The following MYO10 variants were observed in gnomAD, a reference collection of about 807,000 sequenced individuals.
MYO10 encodes unconventional myosin-X.
Under a neutral mutation model 257.3 loss-of-function variants are expected in MYO10, and 133 were observed. The observed-to-expected ratio is 0.52, with a 90% confidence interval of 0.45 to 0.60. The LOEUF (loss-of-function observed/expected upper bound fraction) is 0.60. Ranked by LOEUF, MYO10 falls within the 20% of genes least tolerant of loss-of-function variation. The probability of loss-of-function intolerance (pLI) is 0.00; values close to 1 mark genes in which losing one functional copy is unlikely to be tolerated. For missense variants in MYO10, 2,399 were observed against 2,635.7 expected, an observed-to-expected ratio of 0.91 and a Z score of 1.97; for synonymous variants, 1,104 against 1,028.6, an observed-to-expected ratio of 1.07 and a Z score of -1.40.
In MYO10 at chr5:16,701,719, A is replaced by G. The variant is rs1738088723; in HGVS notation, c.2676T>C (p.Arg892=). 1.9e-6 allele frequency: 3 copies of G among 1,613,798 alleles called. No individual in the cohort carries two copies. Among genetic ancestry groups the G allele is most frequent in the Admixed American group, 3.3e-5 (2 of 59,998 alleles). The change falls in exon 25 of 41, where the codon CGT becomes CGC. Residue 892 remains arginine (R), a synonymous_variant. Transcript: ENST00000513610. This position sits in a 1 kb window ranked among gnomAD's most constrained non-coding sequence, Gnocchi z 8.1. ...KENKQVEEIL[R]LEKEIEDLQR... is the part of the protein sequence containing the mutation. ...GCAGGTCCTCGATTTCTTTCTCCAG[A>G]CGGAGGATCTCTTCCACCTGCTTAT...
In MYO10 at chr5:16,703,856, A is replaced by T. The variant is rs1322221860; in HGVS notation, c.2277-698T>A. Among the ~76,000 whole-genome samples, 172 of 141,386 alleles carry T rather than the reference A, an allele frequency of 1.2e-3. 1 individual carries two copies. The highest frequency in any genetic ancestry group is 2.7e-3 in the Admixed American group (36 of 13,330). The allele number at this position is 141,386 out of a possible 152,430, so 92.8% of individuals were successfully genotyped here. ...GAGATCGCACCATTGCACTCCAGCC[A>T]GACGAGCGAGCGAGACTCTGTCTCA... On this transcript the variant is annotated intron_variant, in intron 22 of 40. Coordinates refer to ENST00000513610, the MANE Select transcript of MYO10 (RefSeq NM_012334.3).
intron 2 of MYO10, among the ~76,000 whole-genome samples, chr5:16,855,334 A>G (rs1743930639): frequency 6.6e-6 from 1 of 152,156 alleles, no homozygotes; most frequent in Admixed American, 6.6e-5. Context: ...AAATTCAGGG[A>G]GTGGATGCTG....
rs77753133 is a variant in MYO10 at position 16,886,137 on chromosome 5, G to C, written c.22-8430C>G. 2.8e-3 allele frequency among the ~76,000 whole-genome samples: 421 copies of C among 152,346 alleles called. 1 individual carries two copies. The highest frequency in any genetic ancestry group is 9.7e-3 in the African/African-American group (405 of 41,584). On this transcript the variant is annotated intron_variant, in intron 1 of 40. Coordinates refer to ENST00000513610, the MANE Select transcript of MYO10 (RefSeq NM_012334.3). ...GTTCAGCCACGGCCATGTAGGCCCTGAAAGGAACACAGGCGGTTTTTAGGC... is the reference window on the plus strand; with the variant it reads ...GTTCAGCCACGGCCATGTAGGCCCTCAAAGGAACACAGGCGGTTTTTAGGC...
intron 9 of MYO10, among the ~76,000 whole-genome samples, chr5:16,778,688 G>GTTTTT (rs55880979): frequency 1.9e-5 from 2 of 107,534 alleles, no homozygotes; most frequent in African/African-American, 3.7e-5. Context: ...CTTTGCTGAG[G>GTTTTT]TTTTTTTTTT....
chr5:16,896,199 C>T (rs1580126142), intron 1 of MYO10, among the ~76,000 whole-genome samples: 1 of 152,308 alleles, frequency 6.6e-6, no homozygotes, highest in Non-Finnish European at 1.5e-5. Flanking sequence ...TGGCTCAAGC[C>T]TGTAATCCCA....
intron 2 of MYO10, among the ~76,000 whole-genome samples, chr5:16,842,713 C>T (rs1003475169): frequency 3.3e-5 from 5 of 152,038 alleles, no homozygotes; most frequent in Admixed American, 2.0e-4. Flanking sequence ...TCGCTTGAGA[C>T]CAGGAGTTTG....
intron 3 of MYO10, among the ~76,000 whole-genome samples, chr5:16,799,996 C>T (rs1351460444): frequency 6.6e-6 from 1 of 152,164 alleles, no homozygotes; most frequent in African/African-American, 2.4e-5. Flanking sequence ...GATAATCGGG[C>T]ATGCTGTGAA....
chr5:16,662,226 T>G lies in MYO10; in HGVS notation c.*4466A>C, dbSNP rs1736009405. On this transcript the variant is annotated 3_prime_UTR_variant, in exon 41 of 41. Transcript: ENST00000513610. ...CCCAATACACACAAATACAGAACTT[T>G]ACTATAGCAGATTTTTGACCCCAAT... 1 of 151,882 alleles carries G rather than the reference T, an allele frequency of 6.6e-6. No individual in the cohort carries two copies. The highest frequency in any genetic ancestry group is 2.1e-4 in the South Asian group (1 of 4,816). 9.4% of individuals were successfully genotyped at this position (151,882 alleles called of 1,614,324 possible). A position where few individuals can be genotyped will look rare whatever the true frequency, so the allele number is the denominator to read the frequency against.
chr5:16,875,834 T>C (rs1305401060), intron 2 of MYO10, among the ~76,000 whole-genome samples: 5 of 152,180 alleles, frequency 3.3e-5, no homozygotes, highest in Non-Finnish European at 7.3e-5. Context: ...TCATAAACTA[T>C]GTGGTTTTGG....
chr5:16,700,906 C>T, intron 25 of MYO10, 57 bp downstream of exon 25: 1 of 1,478,622 alleles, frequency 6.8e-7, no homozygotes, highest in South Asian at 1.4e-5. Context: ...GAGGATGCAA[C>T]AGGGGTGGGT....
At chr5:16,720,344 C>T (rs1391855054) in intron 19 of MYO10, among the ~76,000 whole-genome samples, 2 of 152,166 alleles carry the variant, frequency 1.3e-5, no homozygotes, top group Admixed American at 6.5e-5. Context: ...TCTTATAAGA[C>T]CAACCTCCAC....
At chr5:16,895,833 G>T (rs1013491559) in intron 1 of MYO10, among the ~76,000 whole-genome samples, 2 of 148,938 alleles carry the variant, frequency 1.3e-5, no homozygotes, top group African/African-American at 2.5e-5. Flanking sequence ...CCAAACTCCT[G>T]GCTAGAAGCA....
At chr5:16,795,655 C>A (rs1741917069) in intron 3 of MYO10, among the ~76,000 whole-genome samples, 2 of 152,064 alleles carry the variant, frequency 1.3e-5, no homozygotes, top group Middle Eastern at 6.8e-3. Flanking sequence ...TGTGAATGTC[C>A]TTATTATTAT....
intron 19 of MYO10, among the ~76,000 whole-genome samples, chr5:16,717,968 G>T (rs1738948320): frequency 6.6e-6 from 1 of 152,204 alleles, no homozygotes; most frequent in African/African-American, 2.4e-5. Flanking sequence ...GCACGAGCGG[G>T]AACCGGGGCT....
chr5:16,773,300 T>G (rs569852043), intron 9 of MYO10, among the ~76,000 whole-genome samples: 1 of 152,154 alleles, frequency 6.6e-6, no homozygotes, highest in African/African-American at 2.4e-5. Flanking sequence ...TACAAATAAT[T>G]TGTTATTCTC....
chr5:16,726,567 C>T (rs1739373970), intron 19 of MYO10, among the ~76,000 whole-genome samples: 3 of 152,130 alleles, frequency 2.0e-5, no homozygotes, highest in Non-Finnish European at 2.9e-5. Context: ...ATCCAGGCAT[C>T]GTGACAGCCA....
Position 16,711,191 on chromosome 5 carries a change from T to C in MYO10, c.1984A>G (p.Met662Val), listed in dbSNP as rs535603639. 11 of 1,613,432 alleles carry C rather than the reference T, an allele frequency of 6.8e-6. No homozygotes were observed. In the East Asian group the frequency reaches 2.5e-4, roughly 36 times the overall value. Residue 662 changes from methionine to valine, a missense_variant, in exon 20 of 41, where the codon ATG becomes GTG. Physicochemically the swap from Met to Val is conservative, Grantham distance 21. Coordinates refer to ENST00000513610, the MANE Select transcript of MYO10 (RefSeq NM_012334.3). ...TTGCGGATTCTCACAGTCTCCAGCA[T>C]CCCTGAGTACCGCAGCTGGTTCAGC... Reference protein sequence around the residue: ...VVLNQLRYSGMLETVRIRKAG... With the variant: ...VVLNQLRYSGVLETVRIRKAG...
intron 2 of MYO10, among the ~76,000 whole-genome samples, chr5:16,838,307 T>A (rs914559438): frequency 3.3e-5 from 5 of 152,188 alleles, no homozygotes; most frequent in African/African-American, 1.2e-4. Flanking sequence ...AAAGTGCCAC[T>A]ACAGTGAACA....
intron 1 of MYO10, among the ~76,000 whole-genome samples, chr5:16,925,053 G>A (rs1033103590): frequency 2.4e-4 from 37 of 151,932 alleles, no homozygotes; most frequent in South Asian, 4.2e-4. Flanking sequence ...GGATGGTCTC[G>A]ATCTCCTGAC....
Sources: allele counts gnomAD v4.1 joint callset (sites outside exome capture counted in the v4.1 genomes callset), GRCh38; gene constraint gnomAD v4.1.1; non-coding constraint Gnocchi (gnomAD v3.1); transcripts MANE v1.5; gene names NCBI Gene and HGNC (gene_info 2026-07-23, HGNC 2026-07-21).